The following SCFD2 variants were observed in gnomAD, a reference collection of about 807,000 sequenced individuals.
SCFD2 encodes the protein sec1 family domain containing 2, also known as sec1 family domain-containing protein 2.
In SCFD2, 54 loss-of-function variants were observed where a neutral mutation model predicts 58.9. That is an observed-to-expected ratio of 0.92 (90% confidence interval 0.74 to 1.15). The LOEUF (loss-of-function observed/expected upper bound fraction) is 1.15, where lower values mean the gene tolerates loss of function less well. Among genes scored for constraint, SCFD2 ranks in the 50% most tolerant of loss-of-function variants. The pLI is 0.00. For synonymous variants in SCFD2, 321 were observed against 335.9 expected, an observed-to-expected ratio of 0.96 and a Z score of 0.49; for missense variants, 805 against 836.6, an observed-to-expected ratio of 0.96 and a Z score of 0.47.
chr4:52,959,896 A>AC (rs1720804575), intron 5 of SCFD2, among the ~76,000 whole-genome samples: 1 of 147,206 alleles, frequency 6.8e-6, no homozygotes, highest in African/African-American at 2.5e-5. Flanking sequence ...CTCCAAATTG[A>AC]AACACACACA....
intron 4 of SCFD2, among the ~76,000 whole-genome samples, chr4:53,256,736 G>A (rs1730649637): frequency 6.6e-6 from 1 of 151,898 alleles, no homozygotes; most frequent in Admixed American, 6.6e-5. Context: ...AACCAGTCAG[G>A]CGTGGTGGCG....
chr4:53,105,722 G>A (rs1159645723), intron 5 of SCFD2, among the ~76,000 whole-genome samples: 1 of 152,180 alleles, frequency 6.6e-6, no homozygotes, highest in Non-Finnish European at 1.5e-5. Context: ...ATCTCCCTGG[G>A]ACAGTACACC....
At chr4:53,245,263 C>T (rs6854446) in intron 4 of SCFD2, among the ~76,000 whole-genome samples, 17,250 of 151,642 alleles carry the variant, frequency 0.11, 1,112 homozygotes, top group East Asian at 0.22. Flanking sequence ...CCATGAGGCC[C>T]GAATTATCCT....
At chr4:53,077,922 C>G (rs1410415051) in intron 5 of SCFD2, among the ~76,000 whole-genome samples, 4 of 151,990 alleles carry the variant, frequency 2.6e-5, no homozygotes, top group African/African-American at 9.7e-5. Flanking sequence ...GATAAACTGT[C>G]AAGTTTTTCT....
intron 4 of SCFD2, among the ~76,000 whole-genome samples, chr4:53,200,250 C>A (rs189540942): frequency 4.1e-4 from 63 of 152,146 alleles, no homozygotes; most frequent in Admixed American, 7.2e-4. Flanking sequence ...GATTATTCTG[C>A]ACCTGATCCT....
chr4:52,968,739 TGTGTCTGG>T (rs1721023400), intron 5 of SCFD2, among the ~76,000 whole-genome samples: 1 of 152,090 alleles, frequency 6.6e-6, no homozygotes, highest in Non-Finnish European at 1.5e-5. Context: ...CAACTGTGTG[TGTGTCTGG>T]GTGCTGGTGT....
chr4:52,937,154 G>A lies in SCFD2; in HGVS notation c.1562-16284C>T, dbSNP rs916381879. ...TAGCAGACACTTTTCGAAGTGAGTA[G>A]GCAAACACTACAGATACCTGGGGAA... On this transcript the variant is annotated intron_variant, in intron 5 of 8. Coordinates refer to ENST00000401642, the MANE Select transcript of SCFD2 (RefSeq NM_152540.4). Among the ~76,000 whole-genome samples the A allele has an allele frequency of 2.6e-5, 4 of 152,220 alleles. No homozygotes were observed. The East Asian group carries it at 5.8e-4, about 22-fold the overall frequency.
chr4:53,040,152 G>C (rs1722860310), intron 5 of SCFD2, among the ~76,000 whole-genome samples: 2 of 152,068 alleles, frequency 1.3e-5, no homozygotes, highest in Admixed American at 1.3e-4. Flanking sequence ...ACTTCTTTTT[G>C]AGTTGAATTC....
intron 4 of SCFD2, among the ~76,000 whole-genome samples, chr4:53,215,797 CT>C (rs1476614724): frequency 6.6e-6 from 1 of 151,988 alleles, no homozygotes; most frequent in Admixed American, 6.5e-5. Flanking sequence ...ATAAATAGCT[CT>C]TATTATTTTG....
chr4:52,924,737 C>T (rs893467094), intron 5 of SCFD2, among the ~76,000 whole-genome samples: 2 of 151,986 alleles, frequency 1.3e-5, no homozygotes, highest in African/African-American at 4.8e-5. Context: ...ACACACACAC[C>T]CTTTAGAAAT....
intron 4 of SCFD2, among the ~76,000 whole-genome samples, chr4:53,149,529 T>C (rs1726444630): frequency 6.6e-6 from 1 of 152,304 alleles, no homozygotes; most frequent in East Asian, 1.9e-4. Flanking sequence ...GAATTCCAAG[T>C]AACCTATGTA....
chr4:53,256,501 C>T (rs903836678), intron 4 of SCFD2, among the ~76,000 whole-genome samples: 1 of 152,158 alleles, frequency 6.6e-6, no homozygotes, highest in Admixed American at 6.5e-5. Context: ...AGGCTGCAAT[C>T]TCGGCACTTT....
At chr4:53,212,550 AAGAG>A (rs968356208) in intron 4 of SCFD2, among the ~76,000 whole-genome samples, 1 of 146,992 alleles carries the variant, frequency 6.8e-6, no homozygotes, top group African/African-American at 2.5e-5. Flanking sequence ...AGGAGATGGT[AAGAG>A]AGAGAGGAAG....
intron 5 of SCFD2, among the ~76,000 whole-genome samples, chr4:53,124,312 T>C (rs1725564026): frequency 6.6e-6 from 1 of 152,218 alleles, no homozygotes. Context: ...AAACTTCACA[T>C]GGTTGGGCCA....
chr4:52,968,036 C>CATA (rs200990782), intron 5 of SCFD2, among the ~76,000 whole-genome samples: 3,745 of 152,260 alleles, frequency 0.025, 70 homozygotes, highest in Admixed American at 0.055. Context: ...GCTGGCAACA[C>CATA]ATAATAATTC....
chr4:53,301,990 G>A (rs367969204), intron 3 of SCFD2, among the ~76,000 whole-genome samples: 3 of 152,050 alleles, frequency 2.0e-5, no homozygotes, highest in South Asian at 2.1e-4. Flanking sequence ...CCCACAGCCA[G>A]TATCATACTG....
intron 4 of SCFD2, among the ~76,000 whole-genome samples, chr4:53,174,576 A>G (rs1357569221): frequency 2.6e-5 from 4 of 152,216 alleles, no homozygotes; most frequent in Non-Finnish European, 5.9e-5. Flanking sequence ...AGCTCCTATT[A>G]TAGTGCCAAG....
At chr4:52,923,157 T>A (rs1719780739) in intron 5 of SCFD2, among the ~76,000 whole-genome samples, 1 of 152,022 alleles carries the variant, frequency 6.6e-6, no homozygotes, top group South Asian at 2.1e-4. Flanking sequence ...TCTCCTGGTT[T>A]CCAGAAATGT....
At chr4:52,958,803 T>A (rs1355582126) in intron 5 of SCFD2, among the ~76,000 whole-genome samples, 7 of 152,178 alleles carry the variant, frequency 4.6e-5, no homozygotes, top group Non-Finnish European at 8.8e-5. Flanking sequence ...TTACACTTTT[T>A]GGAAAGCTCT....
Sources: gnomAD v4.1 joint callset for allele counts (sites outside exome capture counted in the v4.1 genomes callset) on GRCh38, gnomAD v4.1.1 for gene constraint, MANE v1.5 for transcripts, NCBI Gene and HGNC (gene_info 2026-07-23, HGNC 2026-07-21) for gene names.